SELE: variants seen among roughly 807,000 people sequenced by gnomAD.
The protein encoded by SELE is selectin E.
Under a neutral mutation model 75.8 loss-of-function variants are expected in SELE, and 52 were observed. That is an observed-to-expected ratio of 0.69 (90% CI 0.55 to 0.86). The LOEUF (loss-of-function observed/expected upper bound fraction) is 0.86, where lower values mean the gene tolerates loss of function less well. SELE is among the 40% of genes least tolerant of loss of function. SELE has a pLI of 0.00. For missense variants in SELE, 754 were observed against 732.7 expected (o/e 1.03, Z -0.34); for synonymous variants, 285 against 258.7 (o/e 1.10, Z -0.98).
rs769922803 is a variant in SELE, at chr1:169,729,592, G to C, written c.797C>G (p.Thr266Arg). The stretch of plus-strand genomic sequence containing the variant: ...TTCTTCACAGTCAAATGTACAGGTT[G>C]TGTTCCATGGGAAGCTTCCAGGGTT... ...FQNPGSFPWN[T>R]TCTFDCEEGF... Residue 266 changes from threonine (T) to arginine (R), a missense_variant, in exon 6 of 14, where the codon ACA becomes AGA. Thr to Arg is a moderately conservative substitution (Grantham distance 71). Coordinates refer to ENST00000333360, the MANE Select transcript of SELE (RefSeq NM_000450.2). 1.2e-6 allele frequency: 2 copies of C among 1,614,160 alleles called. No individual in the cohort carries two copies. The highest frequency in any genetic ancestry group is 3.3e-5 in the Admixed American group (2 of 60,024).
At position 169,727,796 on chromosome 1, in the gene SELE, T is replaced by G. The variant is rs766828036; in HGVS notation, c.1411A>C (p.Thr471Pro). The change falls in exon 9 of 14, where the codon ACT becomes CCT. Residue 471 changes from threonine to proline, a missense_variant. Coordinates refer to ENST00000333360, the MANE Select transcript of SELE (RefSeq NM_000450.2). Reference sequence around the variant, plus strand: ...CCCTGAGATGTGCACTCAAGTTGAGTTGATCCATGTAATTCAAATCCCTCC... The same window carrying G: ...CCCTGAGATGTGCACTCAAGTTGAGGTGATCCATGTAATTCAAATCCCTCC... ...CEEGFELHGS[T>P]QLECTSQGQW... The G allele has an allele frequency of 1.9e-6, 3 of 1,613,980 alleles. No homozygotes were observed. The African/African-American group carries it at 4.0e-5, about 22-fold the overall frequency.
intron 7 of SELE, 124 bp downstream of exon 7, chr1:169,729,062 T>C (rs1465401915): frequency 1.3e-6 from 1 of 783,696 alleles, no homozygotes; most frequent in Non-Finnish European, 2.0e-6. Flanking sequence ...ATCTCAAAGA[T>C]ACGAGGGTTG....
chr1:169,724,760 T>C (rs1321448361), intron 13 of SELE, among the ~76,000 whole-genome samples: 3 of 152,194 alleles, frequency 2.0e-5, no homozygotes, highest in African/African-American at 2.4e-5. Flanking sequence ...GTATCAATAT[T>C]GGCCCATCAG....
chr1:169,729,241 G>A lies in SELE; in HGVS notation c.1035C>T (p.Ala345=), dbSNP rs753511252. The A allele has an allele frequency of 2.4e-5, 39 of 1,613,906 alleles. No individual in the cohort carries two copies. The change falls in exon 7 of 14, where the codon GCC becomes GCT. Residue 345 remains alanine (A), a synonymous_variant. Transcript: ENST00000333360. The stretch of plus-strand genomic sequence containing the variant: ...GCCCTTGAGTGGTGCATTCAACCTG[G>A]GCTGGTCCCTGCAACATGAAGCCTT... The part of the protein sequence containing the change: ...CEEGFMLQGP[A]QVECTTQGQW...
In SELE at chr1:169,729,613, G is replaced by A. The variant is rs762024053; in HGVS notation, c.776C>T (p.Pro259Leu). The A allele has an allele frequency of 2.5e-6, 4 of 1,614,126 alleles. No homozygotes were observed. The highest frequency in any genetic ancestry group is 3.4e-6 in the Non-Finnish European group (4 of 1,180,012). ...GGTTGTGTTCCATGGGAAGCTTCCA[G>A]GGTTTTGGAAACATTCCACGAACCC... ...ANGFVECFQN[P>L]GSFPWNTTCT... Residue 259 changes from proline to leucine, a missense_variant, in exon 6 of 14, where the codon CCT (proline) becomes CTT (leucine). By Grantham distance (98) the Pro-to-Leu change is moderately conservative. Coordinates refer to ENST00000333360, the MANE Select transcript of SELE (RefSeq NM_000450.2).
chr1:169,730,221 A>G (rs1440788346), intron 5 of SELE, among the ~76,000 whole-genome samples: 2 of 152,118 alleles, frequency 1.3e-5, no homozygotes, highest in African/African-American at 4.8e-5. Context: ...AGCCTCAGAA[A>G]CACCCATTTC....
rs1248766236 is a variant in SELE at position 169,727,895 on chromosome 1, T to G, written c.1312A>C (p.Lys438Gln). ...GAATGAGCACACCTCACCAAACCCT[T>G]CGGGGGCTGGTGGACAGCATCGCAT... is the stretch of plus-strand genomic sequence containing the variant. ...VRCDAVHQPPKGLVRCAHSPI... is the reference protein window; with the variant it reads ...VRCDAVHQPPQGLVRCAHSPI... Residue 438 changes from lysine (K) to glutamine (Q), a missense_variant, in exon 9 of 14, where the codon AAG becomes CAG. Transcript: ENST00000333360. 1.2e-6 allele frequency: 2 copies of G among 1,613,860 alleles called. No individual in the cohort carries two copies. Among genetic ancestry groups the G allele is most frequent in the Admixed American group, 1.7e-5 (1 of 59,982 alleles).
Position 169,729,590 on chromosome 1 carries a change from T to C in SELE, c.799A>G (p.Thr267Ala). Reference sequence around the variant, plus strand: ...CCTTCTTCACAGTCAAATGTACAGGTTGTGTTCCATGGGAAGCTTCCAGGG... The same window carrying C: ...CCTTCTTCACAGTCAAATGTACAGGCTGTGTTCCATGGGAAGCTTCCAGGG... ...QNPGSFPWNT[T>A]CTFDCEEGFE... The change falls in exon 6 of 14, where the codon ACC (threonine) becomes GCC (alanine). Residue 267 changes from threonine to alanine, a missense_variant. Physicochemically the swap from Thr to Ala is moderately conservative, Grantham distance 58. Coordinates refer to ENST00000333360, the MANE Select transcript of SELE (RefSeq NM_000450.2). 6.2e-7 allele frequency: 1 copy of C among 1,614,184 alleles called. No individual in the cohort carries two copies. The highest frequency in any genetic ancestry group is 8.5e-7 in the Non-Finnish European group (1 of 1,180,020).
In SELE at chr1:169,732,964, G is replaced by C; in HGVS notation, c.72C>G (p.Tyr24Ter). 1 of 1,607,556 alleles carries C rather than the reference G, an allele frequency of 6.2e-7. No homozygotes were observed. The highest frequency in any genetic ancestry group is 8.5e-7 in the Non-Finnish European group (1 of 1,177,926). ...LLIKESGAWS[Y>*]NTSTEAMTYD... ...AAGTCATAGCTTCCGTGGAGGTGTT[G>C]TAAGACCAGGCTCCACTCTCTTTAA... The change falls in exon 3 of 14, where the codon TAC (tyrosine) becomes TAG (stop). Residue 24 changes from tyrosine to a stop codon, truncating the protein, a stop_gained. Transcript: ENST00000333360. LOFTEE classifies it high-confidence loss of function.
intron 7 of SELE, 130 bp downstream of exon 7, chr1:169,729,056 C>G (rs1648843275): frequency 1.3e-6 from 1 of 749,248 alleles, no homozygotes; most frequent in African/African-American, 1.8e-5. Flanking sequence ...AAATGAATCT[C>G]AAAGATACGA....
intron 2 of SELE, 136 bp from the exon 3 acceptor site, chr1:169,733,134 A>G (rs1397812784): frequency 2.2e-5 from 20 of 891,558 alleles, no homozygotes; most frequent in Non-Finnish European, 2.9e-5. Context: ...TTCAAAAGTA[A>G]GAAGTACGTA....
chr1:169,727,240 C>G, intron 10 of SELE, 109 bp downstream of exon 10: 1 of 1,231,438 alleles, frequency 8.1e-7, no homozygotes, highest in Non-Finnish European at 1.1e-6. Context: ...ACTTGTCAAC[C>G]TGGGCGAACT....
In SELE at chr1:169,728,145, A is replaced by G; in HGVS notation, c.1192T>C (p.Cys398Arg). 6.2e-7 allele frequency: 1 copy of G among 1,614,238 alleles called. No individual in the cohort carries two copies. Among genetic ancestry groups the G allele is most frequent in the South Asian group, 1.1e-5 (1 of 91,088 alleles). ...CCCTTCAACACAAAACCCTGCTCAC[A>G]GGAGAACTCACAGCTGGACCCATAA... ...FRYGSSCEFS[C>R]EQGFVLKGSK... The change falls in exon 8 of 14, where the codon TGT (cysteine) becomes CGT (arginine). Residue 398 changes from cysteine to arginine, a missense_variant. Physicochemically the swap from Cys to Arg is radical, Grantham distance 180. Coordinates refer to ENST00000333360, the MANE Select transcript of SELE (RefSeq NM_000450.2).
chr1:169,725,769 T>C lies in SELE; in HGVS notation c.1808A>G (p.Tyr603Cys). 1 of 1,614,074 alleles carries C rather than the reference T, an allele frequency of 6.2e-7. No individual in the cohort carries two copies. Among genetic ancestry groups the C allele is most frequent in the East Asian group, 2.2e-5 (1 of 44,854 alleles). ...TTAAAGGATGTAAGAAGGCTTTTGG[T>C]AGCTTCCATCTGATTCAAGGCTTTG... ...SCQSLESDGS[Y>C]QKPSYIL is the part of the protein sequence containing the mutation. Residue 603 changes from tyrosine (Y) to cysteine (C), a missense_variant, in exon 13 of 14, where the codon TAC (tyrosine) becomes TGC (cysteine). Coordinates refer to ENST00000333360, the MANE Select transcript of SELE (RefSeq NM_000450.2).
intron 5 of SELE, among the ~76,000 whole-genome samples, chr1:169,730,228 T>C (rs1358120082): frequency 6.6e-6 from 1 of 152,096 alleles, no homozygotes; most frequent in Non-Finnish European, 1.5e-5. Context: ...GAAACACCCA[T>C]TTCAAGCATA....
rs1304217915 is a variant in SELE at position 169,723,007 on chromosome 1, C to G, written c.*1518G>C. The G allele has an allele frequency of 6.6e-6, 1 of 152,162 alleles. No homozygotes were observed. The highest frequency in any genetic ancestry group is 1.5e-5 in the Non-Finnish European group (1 of 68,030). The allele number at this position is 152,162 out of a possible 1,614,324, so 9.4% of individuals were successfully genotyped here. A position where few individuals can be genotyped will look rare whatever the true frequency, so the allele number is the denominator to read the frequency against. On this transcript the variant is annotated 3_prime_UTR_variant, in exon 14 of 14. Transcript: ENST00000333360. Reference sequence around the variant, plus strand: ...TGGCTTTGTTGTTGCCAGTGTTCAGCCAGAACTTCTCTGAAACTTTTTTTT... The same window carrying G: ...TGGCTTTGTTGTTGCCAGTGTTCAGGCAGAACTTCTCTGAAACTTTTTTTT...
At chr1:169,726,949 G>A in intron 10 of SELE, 143 bp from the exon 11 acceptor site, 1 of 639,460 alleles carries the variant, frequency 1.6e-6, no homozygotes, top group Non-Finnish European at 2.7e-6. Context: ...CAGAGATGTG[G>A]CATTACAGGC....
In SELE at chr1:169,731,856, T is replaced by G. The variant is rs1040432367; in HGVS notation, c.508A>C (p.Ser170Arg). Residue 170 changes from serine (S) to arginine (R), a missense_variant, in exon 4 of 14, where the codon AGT becomes CGT. By Grantham distance (110) the Ser-to-Arg change is moderately radical (BLOSUM62 -1). Coordinates refer to ENST00000333360, the MANE Select transcript of SELE (RefSeq NM_000450.2). ...TTACTTTGCTCACACTTGAGTCCAC[T>G]GAAGCCAGGGTCACACTTGCAAGTG... ...NYTCKCDPGF[S>R]GLKCEQIVNC... is the part of the protein sequence containing the mutation. The G allele has an allele frequency of 1.9e-6, 3 of 1,613,566 alleles. No homozygotes were observed. Among genetic ancestry groups the G allele is most frequent in the Non-Finnish European group, 2.5e-6 (3 of 1,179,508 alleles).
chr1:169,733,575 C>A lies in SELE; in HGVS notation c.37+1G>T, dbSNP rs1207502476. On this transcript the variant is annotated splice_donor_variant, in intron 2 of 13. Coordinates refer to ENST00000333360, the MANE Select transcript of SELE (RefSeq NM_000450.2). LOFTEE classifies it high-confidence loss of function. ...ATCTTGGTCTAATGGCACTGACTTACCCAAAGTGAGAGCTGAGAGAAACTG... is the reference window on the plus strand; with the variant it reads ...ATCTTGGTCTAATGGCACTGACTTAACCAAAGTGAGAGCTGAGAGAAACTG... 1 of 1,613,612 alleles carries A rather than the reference C, an allele frequency of 6.2e-7. No individual in the cohort carries two copies. Among genetic ancestry groups the A allele is most frequent in the Non-Finnish European group, 8.5e-7 (1 of 1,179,664 alleles).
Sources: allele counts gnomAD v4.1 joint callset (sites outside exome capture counted in the v4.1 genomes callset), GRCh38; gene constraint gnomAD v4.1.1; transcripts MANE v1.5; gene names NCBI Gene and HGNC (gene_info 2026-07-23, HGNC 2026-07-21).